The following SMARCAD1 variants were observed in gnomAD, a reference collection of about 807,000 sequenced individuals.
SMARCAD1 encodes SWI/SNF-related matrix-associated actin-dependent regulator of chromatin subfamily A containing DEAD/H box 1.
In SMARCAD1, 25 loss-of-function variants were observed where a neutral mutation model predicts 127.1. That is an observed-to-expected ratio of 0.20 (90% CI 0.14 to 0.27). SMARCAD1 has a LOEUF of 0.27. SMARCAD1 is among the 10% of genes least tolerant of loss of function. SMARCAD1 has a pLI of 1.00. For missense variants in SMARCAD1, 807 were observed against 1,206.0 expected, an observed-to-expected ratio of 0.67 and a Z score of 4.90; for synonymous variants, 400 against 396.9, an observed-to-expected ratio of 1.01 and a Z score of -0.09.
At chr4:94,267,515 G>A (rs1751913890) in intron 10 of SMARCAD1, among the ~76,000 whole-genome samples, 1 of 151,854 alleles carries the variant, frequency 6.6e-6, no homozygotes, top group Non-Finnish European at 1.5e-5. Flanking sequence ...TCTATTTTAC[G>A]CCTTTCTCAC....
intron 2 of SMARCAD1, among the ~76,000 whole-genome samples, chr4:94,220,687 C>T (rs553129323): frequency 2.6e-5 from 4 of 152,324 alleles, no homozygotes; most frequent in Admixed American, 6.5e-5. Flanking sequence ...TATTTGCACT[C>T]ATGGTGCAAA....
rs368768764 is a variant in SMARCAD1, at chr4:94,217,202, T to C, written c.190+8618T>C. 1.3e-4 allele frequency among the ~76,000 whole-genome samples: 20 copies of C among 152,344 alleles called. No individual in the cohort carries two copies. The East Asian group carries it at 2.7e-3, about 21-fold the overall frequency. On this transcript the variant is annotated intron_variant, in intron 2 of 23. Coordinates refer to ENST00000354268, the MANE Select transcript of SMARCAD1 (RefSeq NM_020159.5). ...ATCTCCTCTGAATTTTATTTCATTA[T>C]AGGGACTAAAGAAAGGGTGATATCG...
chr4:94,218,624 G>GT lies in SMARCAD1; in HGVS notation c.191-7489dup, dbSNP rs536575264. 1.2e-4 allele frequency among the ~76,000 whole-genome samples: 18 copies of GT among 151,978 alleles called. No homozygotes were observed. In the East Asian group the frequency reaches 3.3e-3, roughly 28 times the overall value. ...TCTTTTGACTTAAATTTGAAATGGG[G>GT]TTTTTTCCCTCATTTTGTCTTAGAA... On this transcript the variant is annotated intron_variant, in intron 2 of 23. Coordinates refer to ENST00000354268, the MANE Select transcript of SMARCAD1 (RefSeq NM_020159.5).
chr4:94,267,282 T>C (rs1751869622), intron 10 of SMARCAD1, among the ~76,000 whole-genome samples: 1 of 152,132 alleles, frequency 6.6e-6, no homozygotes, highest in Non-Finnish European at 1.5e-5. Flanking sequence ...TTTCACTAAC[T>C]CAAAAGTAGT....
At position 94,281,795 on chromosome 4, in the gene SMARCAD1, C is replaced by T. The variant is rs537657671; in HGVS notation, c.2726+205C>T. On this transcript the variant is annotated intron_variant, in intron 21 of 23. Transcript: ENST00000354268. The stretch of plus-strand genomic sequence containing the variant: ...CAACACTTTGGGAGGCTGATGCGGG[C>T]GGATTGGTTGGGCTCAGGAGTTCAA... Among the ~76,000 whole-genome samples, 10 of 151,988 alleles carry T rather than the reference C, an allele frequency of 6.6e-5. No homozygotes were observed. The East Asian group carries it at 7.8e-4, about 12-fold the overall frequency.
At chr4:94,258,586 C>T (rs780612223) in intron 9 of SMARCAD1, among the ~76,000 whole-genome samples, 4 of 152,138 alleles carry the variant, frequency 2.6e-5, no homozygotes, top group Non-Finnish European at 5.9e-5. Flanking sequence ...CATTTTGAGT[C>T]TCTTGTTTCT....
chr4:94,230,786 G>A (rs1028786533), intron 3 of SMARCAD1, among the ~76,000 whole-genome samples: 1 of 152,266 alleles, frequency 6.6e-6, no homozygotes, highest in Admixed American at 6.5e-5. Context: ...AGAAAGAACT[G>A]AAGGCAGAAT....
At chr4:94,263,882 A>T (rs1751367791) in intron 9 of SMARCAD1, among the ~76,000 whole-genome samples, 1 of 151,874 alleles carries the variant, frequency 6.6e-6, no homozygotes, top group Non-Finnish European at 1.5e-5. Flanking sequence ...CACTAAAAAT[A>T]TTTTTTGTCA....
At chr4:94,247,364 C>A (rs11097409) in intron 6 of SMARCAD1, among the ~76,000 whole-genome samples, 57,353 of 151,732 alleles carry the variant, frequency 0.38, 11,794 homozygotes, top group East Asian at 0.71. Context: ...TCTGTGTAAC[C>A]TCCTGGACCA....
chr4:94,227,136 G>GA (rs1274787402), intron 3 of SMARCAD1, among the ~76,000 whole-genome samples: 3 of 152,150 alleles, frequency 2.0e-5, no homozygotes, highest in African/African-American at 4.8e-5. Flanking sequence ...AGATGTGGGG[G>GA]AAAGAGTATT....
At chr4:94,224,013 G>A (rs1002655681) in intron 2 of SMARCAD1, among the ~76,000 whole-genome samples, 1 of 152,008 alleles carries the variant, frequency 6.6e-6, no homozygotes, top group Admixed American at 6.6e-5. Flanking sequence ...TTTTAGATTT[G>A]TGATACATCA....
At chr4:94,234,576 T>C (rs909179291) in intron 4 of SMARCAD1, among the ~76,000 whole-genome samples, 6 of 152,222 alleles carry the variant, frequency 3.9e-5, no homozygotes, top group South Asian at 2.1e-4. Flanking sequence ...CTGAGAAATA[T>C]TGATTTAACT....
chr4:94,243,762 T>A (rs1339965475), intron 6 of SMARCAD1, among the ~76,000 whole-genome samples: 1 of 152,194 alleles, frequency 6.6e-6, no homozygotes, highest in East Asian at 1.9e-4. Context: ...TGGCTGCCTC[T>A]TTTTACCATG....
intron 6 of SMARCAD1, among the ~76,000 whole-genome samples, chr4:94,244,134 T>C (rs1323165042): frequency 2.0e-5 from 3 of 152,208 alleles, no homozygotes; most frequent in Admixed American, 2.0e-4. Flanking sequence ...TTGTCAAATA[T>C]TTGGATTCAA....
In SMARCAD1 at chr4:94,234,041, G is replaced by A. The variant is rs748179381; in HGVS notation, c.456G>A (p.Ser152=). 3.7e-6 allele frequency: 6 copies of A among 1,613,624 alleles called. No homozygotes were observed. Among genetic ancestry groups the A allele is most frequent in the Non-Finnish European group, 3.4e-6 (4 of 1,179,774 alleles). The change falls in exon 4 of 24, where the codon TCG becomes TCA. Residue 152 remains serine (S), a synonymous_variant. Transcript: ENST00000354268. The part of the protein sequence containing the change: ...NDDISELEDL[S]ELEDLKDAKL... ...ATATTTCAGAACTGGAAGACCTTTC[G>A]GAATTGGAAGACCTTAAAGATGCTA...
rs756890814 is a variant in SMARCAD1, at chr4:94,289,628, T to G, written c.*94T>G. 1 of 1,111,214 alleles carries G rather than the reference T, an allele frequency of 9.0e-7. No homozygotes were observed. Among genetic ancestry groups the G allele is most frequent in the South Asian group, 1.2e-5 (1 of 80,618 alleles). 68.8% of individuals were successfully genotyped at this position (1,111,214 alleles called of 1,614,324 possible). A position where few individuals can be genotyped will look rare whatever the true frequency, so the allele number is the denominator to read the frequency against. ...TGATGACCATGGGGTTTATGAACAT[T>G]TATAACTTTTTATAATTTCCATATT... On this transcript the variant is annotated 3_prime_UTR_variant, in exon 24 of 24. Coordinates refer to ENST00000354268, the MANE Select transcript of SMARCAD1 (RefSeq NM_020159.5).
At chr4:94,276,535 A>G in intron 15 of SMARCAD1, 61 bp downstream of exon 15, 4 of 1,563,158 alleles carry the variant, frequency 2.6e-6, no homozygotes, top group South Asian at 1.1e-5. Context: ...GTAATTTAAT[A>G]TATGTAGTAT....
chr4:94,237,929 A>G (rs781235831), intron 5 of SMARCAD1, among the ~76,000 whole-genome samples: 9 of 152,164 alleles, frequency 5.9e-5, no homozygotes, highest in African/African-American at 2.4e-5. Context: ...AAATTTTAAT[A>G]TGTATTTCCA....
At chr4:94,238,751 C>T (rs940568282) in intron 5 of SMARCAD1, among the ~76,000 whole-genome samples, 1 of 152,162 alleles carries the variant, frequency 6.6e-6, no homozygotes, top group Non-Finnish European at 1.5e-5. Flanking sequence ...CTCATTAGTC[C>T]ATAAACATTT....
Sources: allele counts gnomAD v4.1 joint callset (sites outside exome capture counted in the v4.1 genomes callset), GRCh38; gene constraint gnomAD v4.1.1; transcripts MANE v1.5; gene names NCBI Gene and HGNC (gene_info 2026-07-23, HGNC 2026-07-21).